Variants in GINS1 observed in about 807,000 individuals in gnomAD.
The protein encoded by GINS1 is DNA replication complex GINS protein PSF1.
A neutral mutation model predicts 34.9 loss-of-function variants in GINS1; 26 were observed. The observed-to-expected ratio is 0.74, with a 90% CI of 0.55 to 1.03. The LOEUF (loss-of-function observed/expected upper bound fraction) is 1.03, where lower values mean the gene tolerates loss of function less well. GINS1 is among the 50% of genes least tolerant of loss of function. GINS1 has a pLI of 0.00. For synonymous variants in GINS1, 97 were observed against 84.4 expected, an observed-to-expected ratio of 1.15 and a Z score of -0.82; for missense variants, 235 against 237.9, an observed-to-expected ratio of 0.99 and a Z score of 0.08.
At chr20:25,417,376 T>C (rs2090327828) in intron 3 of GINS1, 174 bp downstream of exon 3, 1 of 578,464 alleles carries the variant, frequency 1.7e-6, no homozygotes, top group Non-Finnish European at 3.0e-6. Flanking sequence ...ACAACACTTT[T>C]AAAAGTAGGG....
chr20:25,434,480 G>GT (rs1159316931), intron 5 of GINS1, among the ~76,000 whole-genome samples: 7 of 151,292 alleles, frequency 4.6e-5, no homozygotes, highest in African/African-American at 1.5e-4. Flanking sequence ...GTCTTGCTCT[G>GT]TTTGTCATCC....
rs755833131 is a variant in GINS1, at chr20:25,418,085, A to G, written c.240-20A>G. The G allele has an allele frequency of 5.7e-6, 8 of 1,404,748 alleles. No individual in the cohort carries two copies. The highest frequency in any genetic ancestry group is 1.7e-5 in the Admixed American group (1 of 59,770). 87.0% of individuals were successfully genotyped at this position (1,404,748 alleles called of 1,614,324 possible). On this transcript the variant is annotated intron_variant, in intron 3 of 6. Coordinates refer to ENST00000262460, the MANE Select transcript of GINS1 (RefSeq NM_021067.5). ...CCCCCGTTTATTCTTATGCCACCCA[A>G]TACCTTCTTGATGTCCTAGGTATGA...
intron 6 of GINS1, among the ~76,000 whole-genome samples, chr20:25,443,580 G>A (rs1469616875): frequency 6.7e-6 from 1 of 149,366 alleles, no homozygotes; most frequent in Non-Finnish European, 1.5e-5. Context: ...CCATGTTCAA[G>A]CTTTTCTCCT....
At chr20:25,432,216 C>T (rs533752914) in intron 5 of GINS1, among the ~76,000 whole-genome samples, 2 of 152,058 alleles carry the variant, frequency 1.3e-5, no homozygotes, top group South Asian at 2.1e-4. Context: ...ATGTTTGTAA[C>T]TATAAATTTC....
At chr20:25,433,783 C>T (rs6050611) in intron 5 of GINS1, among the ~76,000 whole-genome samples, 90,578 of 152,024 alleles carry the variant, frequency 0.6, 28,073 homozygotes, top group African/African-American at 0.72. Context: ...ATCAAAAGCT[C>T]CATCCTTATT....
At chr20:25,423,600 T>C (rs1271252767) in intron 4 of GINS1, among the ~76,000 whole-genome samples, 2 of 136,236 alleles carry the variant, frequency 1.5e-5, no homozygotes, top group Non-Finnish European at 3.1e-5. Context: ...TCCCAAGATA[T>C]TTTTCTTCTC....
At chr20:25,412,572 T>C (rs1347069166) in intron 1 of GINS1, among the ~76,000 whole-genome samples, 1 of 152,174 alleles carries the variant, frequency 6.6e-6, no homozygotes, top group Non-Finnish European at 1.5e-5. Flanking sequence ...AGACCATTTT[T>C]TAGTAAATTA....
chr20:25,441,629 ATGC>A, intron 5 of GINS1, 70 bp from the exon 6 acceptor site: 1 of 739,174 alleles, frequency 1.4e-6, no homozygotes, highest in East Asian at 2.5e-5. Context: ...TATTTGTATA[ATGC>A]TGATTTATTT....
At chr20:25,423,814 C>T (rs2090374277) in intron 4 of GINS1, among the ~76,000 whole-genome samples, 1 of 151,870 alleles carries the variant, frequency 6.6e-6, no homozygotes, top group Non-Finnish European at 1.5e-5. Context: ...CGGGGTTTCA[C>T]CATGTTAGCC....
intron 5 of GINS1, among the ~76,000 whole-genome samples, chr20:25,435,247 A>G (rs543622136): frequency 6.6e-6 from 1 of 152,244 alleles, no homozygotes; most frequent in African/African-American, 2.4e-5. Flanking sequence ...AATTTGGTGA[A>G]AATCTTATTG....
At chr20:25,416,380 C>T (rs2500421) in intron 2 of GINS1, among the ~76,000 whole-genome samples, 258 of 152,186 alleles carry the variant, frequency 1.7e-3, no homozygotes, top group Middle Eastern at 6.8e-3. Flanking sequence ...TAGAACAGCC[C>T]TAGAAGACAT....
At chr20:25,438,034 G>A (rs1044573031) in intron 5 of GINS1, among the ~76,000 whole-genome samples, 1 of 149,500 alleles carries the variant, frequency 6.7e-6, no homozygotes, top group Non-Finnish European at 1.5e-5. Context: ...CGGGAGAATC[G>A]CTTGAACCCA....
chr20:25,429,782 C>A (rs2090417074), intron 5 of GINS1, among the ~76,000 whole-genome samples: 1 of 152,086 alleles, frequency 6.6e-6, no homozygotes, highest in Admixed American at 6.6e-5. Context: ...TTAGTTTTTC[C>A]TTTTTAATTT....
At chr20:25,413,056 A>ATTTTTTTTTTTT (rs753937496) in intron 1 of GINS1, among the ~76,000 whole-genome samples, 2 of 135,956 alleles carry the variant, frequency 1.5e-5, no homozygotes, top group Non-Finnish European at 1.6e-5. Flanking sequence ...TCAGTAGTTC[A>ATTTTTTTTTTTT]TTTTTTTTTT....
At chr20:25,409,593 A>C (rs2090270685) in intron 1 of GINS1, among the ~76,000 whole-genome samples, 1 of 152,226 alleles carries the variant, frequency 6.6e-6, no homozygotes, top group East Asian at 1.9e-4. Flanking sequence ...TGTTTTGAAC[A>C]CTAAAGAGCA....
chr20:25,420,662 C>G (rs1341922120), intron 4 of GINS1, among the ~76,000 whole-genome samples: 1 of 151,612 alleles, frequency 6.6e-6, no homozygotes, highest in Non-Finnish European at 1.5e-5. Flanking sequence ...CACCTGTAAT[C>G]CCAGCTGGTC....
At chr20:25,408,741 T>C (rs1203356321) in intron 1 of GINS1, 1 of 168,082 alleles carries the variant, frequency 5.9e-6, no homozygotes, top group Non-Finnish European at 1.2e-5. Flanking sequence ...TCTACTTTTT[T>C]CAGCTATATA....
intron 5 of GINS1, among the ~76,000 whole-genome samples, chr20:25,430,570 GC>G (rs758408229): frequency 5.9e-5 from 9 of 152,078 alleles, no homozygotes; most frequent in Non-Finnish European, 1.2e-4. Context: ...TGGTCTGGTT[GC>G]CCAGGCTGGA....
In GINS1 at chr20:25,418,168, A is replaced by G; in HGVS notation, c.303A>G (p.Ala101=). 1 of 1,597,362 alleles carries G rather than the reference A, an allele frequency of 6.3e-7. No homozygotes were observed. The highest frequency in any genetic ancestry group is 8.6e-7 in the Non-Finnish European group (1 of 1,164,436). Residue 101 remains alanine (A), a synonymous_variant, in exon 4 of 7, where the codon GCA becomes GCG. Coordinates refer to ENST00000262460, the MANE Select transcript of GINS1 (RefSeq NM_021067.5). ...AATATGGTAGCGTCTTGCCAAATGC[A>G]TTACGATTTCACATGGCTGCTGAAG... ...RWEYGSVLPN[A]LRFHMAAEEM...
Sources: gnomAD v4.1 joint callset for allele counts (sites outside exome capture counted in the v4.1 genomes callset) on GRCh38, gnomAD v4.1.1 for gene constraint, MANE v1.5 for transcripts, NCBI Gene and HGNC (gene_info 2026-07-23, HGNC 2026-07-21) for gene names.